Variants in HDAC4 observed in about 807,000 individuals in gnomAD.
HDAC4 encodes histone deacetylase 4, also known as histone deacetylase A.
Under a neutral mutation model 135.1 loss-of-function variants are expected in HDAC4, and 16 were observed. The observed-to-expected ratio is 0.12, with a 90% CI of 0.08 to 0.18. The LOEUF (loss-of-function observed/expected upper bound fraction) is 0.18. HDAC4 is among the 10% of genes least tolerant of loss of function. The pLI is 1.00. For synonymous variants in HDAC4, 685 were observed against 653.4 expected (o/e 1.05, Z -0.74); for missense variants, 1,143 against 1,511.8 (o/e 0.76, Z 4.05).
chr2:239,279,899 C>T (rs1362327834), intron 2 of HDAC4, among the ~76,000 whole-genome samples: 8 of 152,150 alleles, frequency 5.3e-5, no homozygotes, highest in Non-Finnish European at 1.2e-4. Context: ...TGGCCACAAA[C>T]CATGAGTGGC....
intron 2 of HDAC4, among the ~76,000 whole-genome samples, chr2:239,317,540 T>A (rs73100797): frequency 6.6e-6 from 1 of 152,136 alleles, no homozygotes; most frequent in African/African-American, 2.4e-5. Context: ...AACGCCAGCA[T>A]GAAGGGGCTC....
At chr2:239,061,866 G>A (rs1441862931) in intron 24 of HDAC4, among the ~76,000 whole-genome samples, 1 of 152,222 alleles carries the variant, frequency 6.6e-6, no homozygotes, top group Admixed American at 6.5e-5. Context: ...TGAGATGGTG[G>A]CATTTTAACC....
At chr2:239,278,961 C>T (rs1247563815) in intron 2 of HDAC4, among the ~76,000 whole-genome samples, 1 of 152,206 alleles carries the variant, frequency 6.6e-6, no homozygotes, top group Non-Finnish European at 1.5e-5. Flanking sequence ...TAGTGTCAGA[C>T]CCTATCTCTT....
At position 239,051,830 on chromosome 2, in the gene HDAC4, C is replaced by T. The variant is rs951481965; in HGVS notation, c.*1267G>A. The T allele has an allele frequency of 3.3e-5, 5 of 151,586 alleles. No individual in the cohort carries two copies. Among genetic ancestry groups the T allele is most frequent in the African/African-American group, 4.8e-5 (2 of 41,282 alleles). 9.4% of individuals were successfully genotyped at this position (151,586 alleles called of 1,614,324 possible). A position where few individuals can be genotyped will look rare whatever the true frequency, so the allele number is the denominator to read the frequency against. On this transcript the variant is annotated 3_prime_UTR_variant, in exon 27 of 27. Coordinates refer to ENST00000543185, the MANE Select transcript of HDAC4 (RefSeq NM_001378414.1). The stretch of plus-strand genomic sequence containing the variant: ...CAAGCCATCCATTTGCAGGGACCTT[C>T]GCAATCTGCATTCATTTTATATATA...
chr2:239,163,958 G>A, intron 5 of HDAC4, 35 bp from the exon 6 acceptor site: 1 of 1,613,502 alleles, frequency 6.2e-7, no homozygotes, highest in Non-Finnish European at 8.5e-7. Flanking sequence ...GGGGTGAAGT[G>A]TGGCTCTGCC....
At position 239,306,065 on chromosome 2, in the gene HDAC4, C is replaced by A. The variant is rs1441733880; in HGVS notation, c.22+46613G>T. 1.3e-5 allele frequency among the ~76,000 whole-genome samples: 2 copies of A among 152,206 alleles called. No homozygotes were observed. The highest frequency in any genetic ancestry group is 1.3e-4 in the Admixed American group (2 of 15,286). ...ACTGCCTGGCTTCACATGAGAAACA[C>A]TCTGCTTAAGTAACTACTTCATCAC... On this transcript the variant is annotated intron_variant, in intron 2 of 26. Coordinates refer to ENST00000543185, the MANE Select transcript of HDAC4 (RefSeq NM_001378414.1). The surrounding 1 kb of genome is among the most constrained non-coding windows in gnomAD (Gnocchi z 4.5).
intron 2 of HDAC4, among the ~76,000 whole-genome samples, chr2:239,277,324 G>A (rs1385654878): frequency 9.2e-5 from 14 of 152,200 alleles, no homozygotes; most frequent in Non-Finnish European, 2.9e-5. Context: ...AAGGCACAAG[G>A]GTGAGAGGTG....
chr2:239,168,312 C>G (rs886557698), intron 5 of HDAC4, among the ~76,000 whole-genome samples: 3 of 152,146 alleles, frequency 2.0e-5, no homozygotes, highest in South Asian at 4.1e-4. Flanking sequence ...TCCAGCCTGC[C>G]CCTGCTCCTT....
intron 3 of HDAC4, among the ~76,000 whole-genome samples, chr2:239,210,879 G>C (rs1440756880): frequency 3.3e-5 from 5 of 152,110 alleles, no homozygotes; most frequent in African/African-American, 1.2e-4. Flanking sequence ...CACCTTCCAC[G>C]GGACAAGGAC....
chr2:239,136,520 A>C (rs2040967266), intron 9 of HDAC4, among the ~76,000 whole-genome samples: 1 of 152,252 alleles, frequency 6.6e-6, no homozygotes, highest in Non-Finnish European at 1.5e-5. Flanking sequence ...ACAGGCAACA[A>C]AAACGAAAAC....
intron 3 of HDAC4, among the ~76,000 whole-genome samples, chr2:239,232,426 T>C (rs927112124): frequency 2.6e-5 from 4 of 152,298 alleles, no homozygotes; most frequent in East Asian, 1.9e-4. Context: ...GCTCACTCCA[T>C]GGGAAAACAC....
Position 239,068,191 on chromosome 2 carries a change from C to T in HDAC4, c.2869+298G>A, listed in dbSNP as rs570562747. Among the ~76,000 whole-genome samples, 5 of 152,262 alleles carry T rather than the reference C, an allele frequency of 3.3e-5. No individual in the cohort carries two copies. The South Asian group carries it at 1.0e-3, about 32-fold the overall frequency. Reference sequence around the variant, plus strand: ...AGCTCTTGGTGGGACCAGGACCTGCCCCTGGAGGTGGCCTGCAGGTCCCTA... The same window carrying T: ...AGCTCTTGGTGGGACCAGGACCTGCTCCTGGAGGTGGCCTGCAGGTCCCTA... On this transcript the variant is annotated intron_variant, in intron 23 of 26. Coordinates refer to ENST00000543185, the MANE Select transcript of HDAC4 (RefSeq NM_001378414.1). The surrounding 1 kb of genome is among the most constrained non-coding windows in gnomAD (Gnocchi z 4.4).
rs368801140 is a variant in HDAC4, at chr2:239,197,847, T to TTGTGTGTGTGTGTGTGTGTGTGTGTG, written c.95-7796_95-7771dup. 5.7e-5 allele frequency among the ~76,000 whole-genome samples: 8 copies of TTGTGTGTGTGTGTGTGTGTGTGTGTG among 140,216 alleles called. 1 individual carries two copies. The highest frequency in any genetic ancestry group is 2.5e-4 in the South Asian group (1 of 4,072). The allele number at this position is 140,216 out of a possible 152,430, so 92.0% of individuals were successfully genotyped here. A position where few individuals can be genotyped will look rare whatever the true frequency, so the allele number is the denominator to read the frequency against. On this transcript the variant is annotated intron_variant, in intron 3 of 26. Coordinates refer to ENST00000543185, the MANE Select transcript of HDAC4 (RefSeq NM_001378414.1). ...ATAGTAATGATAGCTCACTAAAAGT[T>TTGTGTGTGTGTGTGTGTGTGTGTGTG]TGTGTGTGTGTGTGTGTGTGTGTGT... is the stretch of plus-strand genomic sequence containing the variant.
intron 2 of HDAC4, among the ~76,000 whole-genome samples, chr2:239,300,126 A>G (rs1336499399): frequency 1.3e-5 from 2 of 152,214 alleles, no homozygotes; most frequent in Non-Finnish European, 2.9e-5. Flanking sequence ...GGGAAGGAGC[A>G]TAAATTCAGC....
chr2:239,318,888 C>T (rs1433756087), intron 2 of HDAC4, among the ~76,000 whole-genome samples: 1 of 152,156 alleles, frequency 6.6e-6, no homozygotes, highest in Non-Finnish European at 1.5e-5. Context: ...AGTGAAAACG[C>T]TTACAAAAAT....
At chr2:239,126,823 C>T in intron 11 of HDAC4, 129 bp from the exon 12 acceptor site, 2 of 1,012,216 alleles carry the variant, frequency 2.0e-6, no homozygotes, top group Non-Finnish European at 1.5e-6. Flanking sequence ...TGCCCTGGTG[C>T]CCCAGAGCTG....
chr2:239,093,987 G>A (rs1399279747), intron 17 of HDAC4: 1 of 985,274 alleles, frequency 1.0e-6, no homozygotes, highest in Non-Finnish European at 1.2e-6. Flanking sequence ...TTTCAAAGCA[G>A]TGATTTTTAT....
upstream of HDAC4, chr2:239,401,469 G>C: frequency 5.9e-6 from 1 of 170,316 alleles, no homozygotes; most frequent in Non-Finnish European, 1.2e-5. Context: ...CCGGGGGCCA[G>C]TAGTGGCCGT....
chr2:239,352,784 C>G lies in HDAC4; in HGVS notation c.-85G>C. ...ATAGCTCCAACGAGCTCCAAACTCC[C>G]ACCAACACATACAAGTACCGGGACG... On this transcript the variant is annotated 5_prime_UTR_variant, in exon 2 of 27. Coordinates refer to ENST00000543185, the MANE Select transcript of HDAC4 (RefSeq NM_001378414.1). This position sits in a 1 kb window ranked among gnomAD's most constrained non-coding sequence, Gnocchi z 4.4. 7.7e-7 allele frequency: 1 copy of G among 1,297,244 alleles called. No individual in the cohort carries two copies. Among genetic ancestry groups the G allele is most frequent in the Non-Finnish European group, 1.1e-6 (1 of 915,332 alleles). 80.4% of individuals were successfully genotyped at this position (1,297,244 alleles called of 1,614,324 possible). A position where few individuals can be genotyped will look rare whatever the true frequency, so the allele number is the denominator to read the frequency against.
Sources: gnomAD v4.1 joint callset for allele counts (sites outside exome capture counted in the v4.1 genomes callset) on GRCh38, gnomAD v4.1.1 for gene constraint, Gnocchi (gnomAD v3.1) non-coding constraint, MANE v1.5 for transcripts, NCBI Gene and HGNC (gene_info 2026-07-23, HGNC 2026-07-21) for gene names.